Variants in MROH7 observed in about 807,000 individuals in gnomAD.
MROH7 encodes maestro heat-like repeat-containing protein family member 7.
A neutral mutation model predicts 129.2 loss-of-function variants in MROH7; 113 were observed. That is an observed-to-expected ratio of 0.87 (90% CI 0.75 to 1.02). MROH7 has a LOEUF of 1.02. Ranked by LOEUF, MROH7 falls within the 50% of genes least tolerant of loss-of-function variation. The pLI, the probability that MROH7 is intolerant of heterozygous loss-of-function variation, is 0.00. For synonymous variants in MROH7, 655 were observed against 667.9 expected (o/e 0.98, Z 0.30); for missense variants, 1,601 against 1,671.3 (o/e 0.96, Z 0.73).
chr1:54,702,133 A>G lies in MROH7; in HGVS notation c.3329A>G (p.Lys1110Arg), dbSNP rs762489319. 2 of 1,612,016 alleles carry G rather than the reference A, an allele frequency of 1.2e-6. No homozygotes were observed. The highest frequency in any genetic ancestry group is 3.3e-5 in the Admixed American group (2 of 59,842). The stretch of plus-strand genomic sequence containing the variant: ...TCCTCCTGCATCAACCTGTATGGGA[A>G]GGTGGTCCAGAAGCTTCGGGCACCA... ...VRSSCINLYG[K>R]VVQKLRAPRT... Residue 1110 changes from lysine (K) to arginine (R), a missense_variant, in exon 20 of 24, where the codon AAG (lysine) becomes AGG (arginine). Lys to Arg is a conservative substitution (Grantham distance 26). Coordinates refer to ENST00000421030, the MANE Select transcript of MROH7 (RefSeq NM_001039464.4).
At chr1:54,674,254 G>T (rs1644948734) in intron 10 of MROH7, 103 bp downstream of exon 10, 5 of 1,347,512 alleles carry the variant, frequency 3.7e-6, no homozygotes, top group Non-Finnish European at 4.0e-6. Flanking sequence ...GCACTGGTGG[G>T]AGATGGGGGA....
intron 1 of MROH7, among the ~76,000 whole-genome samples, chr1:54,642,590 C>G (rs1644404892): frequency 6.6e-6 from 1 of 152,114 alleles, no homozygotes; most frequent in South Asian, 2.1e-4. Flanking sequence ...CCAGCCTCTA[C>G]CACTTGCTTG....
chr1:54,656,509 C>CAAAA (rs33918860), intron 3 of MROH7, among the ~76,000 whole-genome samples: 2 of 80,584 alleles, frequency 2.5e-5, no homozygotes, highest in African/African-American at 4.9e-5. Flanking sequence ...GACTCCATCT[C>CAAAA]AAAAAAAAAA....
intron 1 of MROH7, among the ~76,000 whole-genome samples, chr1:54,645,611 G>A (rs1229999683): frequency 6.6e-6 from 1 of 151,004 alleles, no homozygotes; most frequent in Non-Finnish European, 1.5e-5. Flanking sequence ...TACTTTTGTG[G>A]ACTGTAGCTC....
chr1:54,683,525 C>T (rs778261470), intron 14 of MROH7, among the ~76,000 whole-genome samples: 3 of 152,222 alleles, frequency 2.0e-5, no homozygotes, highest in Non-Finnish European at 2.9e-5. Context: ...TCCTGCCCCT[C>T]CAATCTGTAC....
intron 7 of MROH7, among the ~76,000 whole-genome samples, chr1:54,671,500 A>G (rs1264625209): frequency 1.3e-5 from 2 of 152,252 alleles, no homozygotes; most frequent in South Asian, 4.1e-4. Context: ...AGCGGCCAGG[A>G]TTGGGAGGGG....
rs556466538 is a variant in MROH7 at position 54,692,990 on chromosome 1, A to G, written c.2849+429A>G. On this transcript the variant is annotated intron_variant, in intron 16 of 23. Transcript: ENST00000421030. ...CTCCACTTTCCTTCAATAGCATGGA[A>G]ATAATAGTCAGACCCACCTCTGAGG... 2.6e-5 allele frequency among the ~76,000 whole-genome samples: 4 copies of G among 152,108 alleles called. No individual in the cohort carries two copies. In the South Asian group the frequency reaches 8.3e-4, roughly 32 times the overall value.
chr1:54,708,952 G>A (rs1344743414), intron 22 of MROH7, 62 bp from the exon 23 acceptor site: 3 of 1,451,538 alleles, frequency 2.1e-6, no homozygotes, highest in Non-Finnish European at 1.9e-6. Context: ...TGGTCTAAGG[G>A]TGGGTTGGGG....
chr1:54,709,890 G>C, intron 23 of MROH7, 56 bp from the exon 24 acceptor site: 1 of 1,580,782 alleles, frequency 6.3e-7, no homozygotes, highest in Non-Finnish European at 8.6e-7. Flanking sequence ...TTAGGTATGA[G>C]ACCCACATAG....
chr1:54,670,942 C>T lies in MROH7; in HGVS notation c.1599+13C>T. 6.3e-7 allele frequency: 1 copy of T among 1,588,562 alleles called. No individual in the cohort carries two copies. The highest frequency in any genetic ancestry group is 1.1e-5 in the South Asian group (1 of 87,318). On this transcript the variant is annotated intron_variant, in intron 7 of 23. Transcript: ENST00000421030. ...TGAGACCATCCAGGTGAGGCGGGAC[C>T]TTCCCAGCAGGGCCTCAGGGCTGGC...
Position 54,679,397 on chromosome 1 carries a change from C to T in MROH7, c.2184C>T (p.Leu728=), listed in dbSNP as rs753849831. ...EMMQLASEVM[L]SSVLEWYRHR... is the part of the protein sequence containing the mutation. Reference sequence around the variant, plus strand: ...TGCAGCTGGCCTCGGAGGTCATGCTCAGCTCGGTGCTGGAGTGGTACCGCC... The same window carrying T: ...TGCAGCTGGCCTCGGAGGTCATGCTTAGCTCGGTGCTGGAGTGGTACCGCC... The change falls in exon 12 of 24, where the codon CTC becomes CTT. Residue 728 remains leucine, a synonymous_variant. Transcript: ENST00000421030. 6.2e-7 allele frequency: 1 copy of T among 1,614,052 alleles called. No homozygotes were observed. Among genetic ancestry groups the T allele is most frequent in the Admixed American group, 1.7e-5 (1 of 60,026 alleles).
intron 15 of MROH7, among the ~76,000 whole-genome samples, chr1:54,689,231 G>T (rs911882016): frequency 2.0e-5 from 3 of 152,310 alleles, no homozygotes; most frequent in South Asian, 4.1e-4. Context: ...AGACACAGGG[G>T]AGAAGGCTGA....
Position 54,692,515 on chromosome 1 carries a change from A to G in MROH7, c.2803A>G (p.Met935Val), listed in dbSNP as rs768233703. 1 of 1,565,694 alleles carries G rather than the reference A, an allele frequency of 6.4e-7. No homozygotes were observed. Among genetic ancestry groups the G allele is most frequent in the Non-Finnish European group, 8.7e-7 (1 of 1,148,468 alleles). ...FLEDQGGWEL[M>V]EQVESHHRGV... ...GGAGGACCAGGGTGGCTGGGAGCTC[A>G]TGGAGCAGGTGGAGAGCCACCACCG... Residue 935 changes from methionine to valine, a missense_variant, in exon 16 of 24, where the codon ATG (methionine) becomes GTG (valine). By Grantham distance (21) the Met-to-Val change is conservative (BLOSUM62 1). Coordinates refer to ENST00000421030, the MANE Select transcript of MROH7 (RefSeq NM_001039464.4).
At chr1:54,706,211 G>A (rs898179301) in intron 21 of MROH7, among the ~76,000 whole-genome samples, 1 of 152,040 alleles carries the variant, frequency 6.6e-6, no homozygotes, top group African/African-American at 2.4e-5. Flanking sequence ...CTGCAGCAGG[G>A]GGGTAAATTG....
chr1:54,691,802 A>AAG (rs1645242066), intron 15 of MROH7, among the ~76,000 whole-genome samples: 1 of 90,768 alleles, frequency 1.1e-5, no homozygotes, highest in Non-Finnish European at 2.1e-5. Context: ...AAAAAAAAAA[A>AAG]AGTGTGTGTG....
intron 22 of MROH7, among the ~76,000 whole-genome samples, chr1:54,707,652 A>G (rs1645557086): frequency 6.6e-6 from 1 of 152,160 alleles, no homozygotes; most frequent in Non-Finnish European, 1.5e-5. Context: ...AATCACTTCT[A>G]AAATGGAGTG....
Position 54,670,939 on chromosome 1 carries a change from G to T in MROH7, c.1599+10G>T. 6.3e-7 allele frequency: 1 copy of T among 1,590,576 alleles called. No homozygotes were observed. Among genetic ancestry groups the T allele is most frequent in the South Asian group, 1.1e-5 (1 of 87,528 alleles). ...GGCTGAGACCATCCAGGTGAGGCGG[G>T]ACCTTCCCAGCAGGGCCTCAGGGCT... On this transcript the variant is annotated intron_variant, in intron 7 of 23. Coordinates refer to ENST00000421030, the MANE Select transcript of MROH7 (RefSeq NM_001039464.4).
intron 5 of MROH7, 68 bp from the exon 6 acceptor site, chr1:54,670,429 G>A (rs924484681): frequency 4.3e-6 from 6 of 1,397,808 alleles, no homozygotes; most frequent in Non-Finnish European, 2.0e-6. Flanking sequence ...TTGTGACGGG[G>A]GCAGCCTTGG....
chr1:54,653,627 C>T lies in MROH7; in HGVS notation c.701C>T (p.Pro234Leu), dbSNP rs1042482500. The stretch of plus-strand genomic sequence containing the variant: ...TCCAAGCTGAACCTGAATGTAGCTC[C>T]AGATTCTCATGGGACCCTAATCCCA... ...NTSKLNLNVA[P>L]DSHGTLIPDT... The change falls in exon 3 of 24, where the codon CCA becomes CTA. Residue 234 changes from proline (P) to leucine (L), a missense_variant. Physicochemically the swap from Pro to Leu is moderately conservative, Grantham distance 98 (BLOSUM62 -3). Coordinates refer to ENST00000421030, the MANE Select transcript of MROH7 (RefSeq NM_001039464.4). 1.9e-6 allele frequency: 3 copies of T among 1,614,166 alleles called. No individual in the cohort carries two copies. Among genetic ancestry groups the T allele is most frequent in the Non-Finnish European group, 2.5e-6 (3 of 1,180,030 alleles).
Sources: gnomAD v4.1 joint callset for allele counts (sites outside exome capture counted in the v4.1 genomes callset) on GRCh38, gnomAD v4.1.1 for gene constraint, MANE v1.5 for transcripts, NCBI Gene and HGNC (gene_info 2026-07-23, HGNC 2026-07-21) for gene names.